HNF4A: variants seen among roughly 807,000 people sequenced by gnomAD.
The protein encoded by HNF4A is hepatocyte nuclear factor 4 alpha, also known as hepatocyte nuclear factor 4-alpha.
In HNF4A, 15 loss-of-function variants were observed where a neutral mutation model predicts 52.4. The observed-to-expected ratio is 0.29, with a 90% CI of 0.19 to 0.44. The LOEUF (loss-of-function observed/expected upper bound fraction) is 0.44. Among genes scored for constraint, HNF4A ranks in the 20% least tolerant of loss-of-function variants. The probability of loss-of-function intolerance (pLI) is 1.00; values close to 1 mark genes in which losing one functional copy is unlikely to be tolerated. For synonymous variants in HNF4A, 280 were observed against 264.4 expected (o/e 1.06, Z -0.57); for missense variants, 479 against 647.2 (o/e 0.74, Z 2.82).
At position 44,401,271 on chromosome 20, in the gene HNF4A, CAG is replaced by C; in HGVS notation, c.-97_-96del. ...CCCAGAGGACGGTTTGAAAGGAAGG[CAG>C]AGAGGGCACTGGGAGGAGGCAGTGG... On this transcript the variant is annotated 5_prime_UTR_variant, in exon 1 of 10. Transcript: ENST00000316099. The C allele has an allele frequency of 1.3e-6, 2 of 1,582,312 alleles. No individual in the cohort carries two copies. The highest frequency in any genetic ancestry group is 1.7e-6 in the Non-Finnish European group (2 of 1,164,590).
rs183050395 is a variant in HNF4A, at chr20:44,370,867, C to G, written c.49+15014C>G. Among the ~76,000 whole-genome samples, 5 of 152,352 alleles carry G rather than the reference C, an allele frequency of 3.3e-5. 1 individual carries two copies. In the East Asian group the frequency reaches 9.7e-4, roughly 29 times the overall value. ...CAGACAGCCACTGTTTGACGACTGT[C>G]TGCCATGGGCCTGGCTGAGCCTGGG... On this transcript the variant is annotated intron_variant, in intron 1 of 9. Transcript: ENST00000316673.
intron 1 of HNF4A, among the ~76,000 whole-genome samples, chr20:44,364,470 T>A (rs368199694): frequency 1.1e-4 from 16 of 152,218 alleles, no homozygotes; most frequent in African/African-American, 2.2e-4. Flanking sequence ...CATGCAATTT[T>A]TTTTTTATTT....
rs370329321 is a variant in HNF4A at position 44,413,770 on chromosome 20, G to A, written c.462G>A (p.Ala154=). The change falls in exon 4 of 10, where the codon GCG becomes GCA. Residue 154 remains alanine (A), a synonymous_variant. Coordinates refer to ENST00000316099, the MANE Select transcript of HNF4A (RefSeq NM_000457.6). The stretch of plus-strand genomic sequence containing the variant: ...ACAGCAGCCTGCCCTCCATCAATGC[G>A]CTCCTGCAGGCGGAGGTCCTGTCCC... 31 of 1,613,486 alleles carry A rather than the reference G, an allele frequency of 1.9e-5. No homozygotes were observed. Among genetic ancestry groups the A allele is most frequent in the African/African-American group, 9.3e-5 (7 of 75,000 alleles).
chr20:44,402,247 T>A (rs1459355032), intron 1 of HNF4A, among the ~76,000 whole-genome samples: 1 of 151,920 alleles, frequency 6.6e-6, no homozygotes, highest in Non-Finnish European at 1.5e-5. Context: ...TGTAAGTGTG[T>A]ATGTGTGTGT....
chr20:44,402,759 G>C (rs938853089), intron 1 of HNF4A: 1 of 453,498 alleles, frequency 2.2e-6, no homozygotes, highest in Non-Finnish European at 4.1e-6. Flanking sequence ...CTGCCACCCT[G>C]CTTCCTTCTG....
At position 44,418,417 on chromosome 20, in the gene HNF4A, T is replaced by C; in HGVS notation, c.649-8T>C. ...CAGATGGCAAACACTGTTCCTTCTC[T>C]CTTTCAGGTGGCCCTGCTCAGAGCC... is the stretch of plus-strand genomic sequence containing the variant. On this transcript the variant is annotated splice_polypyrimidine_tract_variant and splice_region_variant and intron_variant, in intron 5 of 9. Coordinates refer to ENST00000316099, the MANE Select transcript of HNF4A (RefSeq NM_000457.6). 3 of 1,612,986 alleles carry C rather than the reference T, an allele frequency of 1.9e-6. No homozygotes were observed. Among genetic ancestry groups the C allele is most frequent in the Non-Finnish European group, 2.5e-6 (3 of 1,179,000 alleles).
At chr20:44,366,210 T>A (rs1457337347) in intron 1 of HNF4A, among the ~76,000 whole-genome samples, 1 of 152,196 alleles carries the variant, frequency 6.6e-6, no homozygotes, top group Non-Finnish European at 1.5e-5. Context: ...TATGTATGTT[T>A]TTGAAACTTT....
intron 1 of HNF4A, among the ~76,000 whole-genome samples, chr20:44,380,932 G>A (rs2063145538): frequency 6.6e-6 from 1 of 152,166 alleles, no homozygotes; most frequent in Admixed American, 6.5e-5. Flanking sequence ...CGTATATGGT[G>A]TAAGGAAAGA....
intron 4 of HNF4A, among the ~76,000 whole-genome samples, chr20:44,414,084 G>A (rs186205876): frequency 8.5e-5 from 13 of 152,356 alleles, no homozygotes; most frequent in African/African-American, 2.4e-4. Context: ...GCTCAGCTCC[G>A]AGAGAACAGA....
intron 4 of HNF4A, 35 bp from the exon 5 acceptor site, chr20:44,414,472 C>T (rs1600724251): frequency 1.9e-6 from 3 of 1,614,086 alleles, no homozygotes; most frequent in Non-Finnish European, 2.5e-6. Context: ...AGGGCCCGGA[C>T]ATCTCCAGCA....
At chr20:44,402,777 G>T (rs1453419286) in intron 1 of HNF4A, 1 of 397,482 alleles carries the variant, frequency 2.5e-6, no homozygotes, top group Non-Finnish European at 4.9e-6. Flanking sequence ...CTGTGTCTTG[G>T]AGCCACTCAG....
intron 1 of HNF4A, among the ~76,000 whole-genome samples, chr20:44,382,901 A>T (rs1489211840): frequency 1.3e-5 from 2 of 152,112 alleles, no homozygotes; most frequent in Admixed American, 1.3e-4. Flanking sequence ...GGGTGGGGTG[A>T]CTCACGTCTG....
chr20:44,432,364 TTTTTG>T lies in HNF4A; in HGVS notation c.*2700_*2704del, dbSNP rs1402389958. 1.4e-5 allele frequency: 2 copies of T among 142,098 alleles called. No individual in the cohort carries two copies. Among genetic ancestry groups the T allele is most frequent in the African/African-American group, 2.7e-5 (1 of 36,988 alleles). 8.8% of individuals were successfully genotyped at this position (142,098 alleles called of 1,614,324 possible). ...GCTCTCTTTTTTTTTTTTTTTTTTT[TTTTTG>T]GCTACTTGAGTTGTGGTCCTAAAAC... On this transcript the variant is annotated 3_prime_UTR_variant, in exon 10 of 10. Transcript: ENST00000316099.
chr20:44,413,637 C>T (rs921840598), intron 3 of HNF4A, 57 bp from the exon 4 acceptor site: 6 of 1,302,130 alleles, frequency 4.6e-6, no homozygotes, highest in Non-Finnish European at 6.6e-6. Flanking sequence ...TCACAGACAC[C>T]CCCACCCCCT....
At position 44,429,940 on chromosome 20, in the gene HNF4A, C is replaced by T. The variant is rs1046345233; in HGVS notation, c.*275C>T. The T allele has an allele frequency of 2.7e-5, 13 of 485,070 alleles. No individual in the cohort carries two copies. Among genetic ancestry groups the T allele is most frequent in the Middle Eastern group, 5.5e-4 (1 of 1,808 alleles). The allele number at this position is 485,070 out of a possible 1,614,324, so 30.0% of individuals were successfully genotyped here. A position where few individuals can be genotyped will look rare whatever the true frequency, so the allele number is the denominator to read the frequency against. On this transcript the variant is annotated 3_prime_UTR_variant, in exon 10 of 10. Transcript: ENST00000316099. ...AAGCCACTGCCTTCACCTTCACCTT[C>T]ATCCATGTCCAACCCCCGACTTCAT... is the stretch of plus-strand genomic sequence containing the variant.
In HNF4A at chr20:44,424,151, C is replaced by T; in HGVS notation, c.1026C>T (p.Pro342=). 6.2e-7 allele frequency: 1 copy of T among 1,613,798 alleles called. No individual in the cohort carries two copies. Among genetic ancestry groups the T allele is most frequent in the Middle Eastern group, 1.6e-4 (1 of 6,062 alleles). Residue 342 remains proline (P), a synonymous_variant, in exon 8 of 10, where the codon CCC becomes CCT. Coordinates refer to ENST00000316099, the MANE Select transcript of HNF4A (RefSeq NM_000457.6). ...TTGGAGAGCTGCTGCTGCTGCTGCCCACCTTGCAGAGCATCACCTGGCAGA... is the reference window on the plus strand; with the variant it reads ...TTGGAGAGCTGCTGCTGCTGCTGCCTACCTTGCAGAGCATCACCTGGCAGA...
intron 1 of HNF4A, among the ~76,000 whole-genome samples, chr20:44,405,044 T>TGTGTGTGGACTGTGTGGTGCG (rs2063478041): frequency 2.1e-5 from 1 of 47,050 alleles, no homozygotes; most frequent in Non-Finnish European, 4.5e-5. Flanking sequence ...GTGTGTGTGC[T>TGTGTGTGGACTGTGTGGTGCG]TGTGTGTGGA....
In HNF4A at chr20:44,413,809, G is replaced by C. The variant is rs1384872485; in HGVS notation, c.492+9G>C. 8 of 1,587,800 alleles carry C rather than the reference G, an allele frequency of 5.0e-6. No homozygotes were observed. Among genetic ancestry groups the C allele is most frequent in the Non-Finnish European group, 6.9e-6 (8 of 1,158,464 alleles). ...AGGTCCTGTCCCGACAGGTACCGGG[G>C]TGATCCTGCCACCCACCCAGGGATC... On this transcript the variant is annotated intron_variant, in intron 4 of 9. Coordinates refer to ENST00000316099, the MANE Select transcript of HNF4A (RefSeq NM_000457.6).
At chr20:44,390,297 C>T (rs2063285931) in intron 1 of HNF4A, among the ~76,000 whole-genome samples, 1 of 152,118 alleles carries the variant, frequency 6.6e-6, no homozygotes, top group Non-Finnish European at 1.5e-5. Flanking sequence ...TGAAGCAATG[C>T]AAGAGTTATG....
Sources: allele counts gnomAD v4.1 joint callset (sites outside exome capture counted in the v4.1 genomes callset), GRCh38; gene constraint gnomAD v4.1.1; transcripts MANE v1.5; gene names NCBI Gene and HGNC (gene_info 2026-07-23, HGNC 2026-07-21).